Variants in PPIG observed in about 807,000 individuals in gnomAD.
The protein encoded by PPIG is peptidylprolyl isomerase G, also known as peptidyl-prolyl cis-trans isomerase G.
A neutral mutation model predicts 87.9 loss-of-function variants in PPIG; 26 were observed. The observed-to-expected ratio is 0.30, with a 90% CI of 0.22 to 0.41. The LOEUF is 0.41. PPIG is among the 10% of genes least tolerant of loss of function. The probability of loss-of-function intolerance (pLI) is 1.00; values close to 1 mark genes in which losing one functional copy is unlikely to be tolerated. For synonymous variants in PPIG, 308 were observed against 276.5 expected (o/e 1.11, Z -1.13); for missense variants, 722 against 879.4 (o/e 0.82, Z 2.26).
At chr2:169,609,398 A>G (rs2105493852) in intron 7 of PPIG, among the ~76,000 whole-genome samples, 1 of 152,050 alleles carries the variant, frequency 6.6e-6, no homozygotes, top group East Asian at 2.0e-4. Context: ...TTTTGTAGAG[A>G]CGGGGTCTCC....
chr2:169,627,949 A>G (rs143810721), intron 9 of PPIG, among the ~76,000 whole-genome samples: 3 of 151,596 alleles, frequency 2.0e-5, no homozygotes, highest in African/African-American at 7.3e-5. Flanking sequence ...TTGTGAATTT[A>G]TTTTCTGTGT....
chr2:169,593,846 G>A (rs529932279), intron 1 of PPIG, among the ~76,000 whole-genome samples: 26 of 148,008 alleles, frequency 1.8e-4, no homozygotes, highest in East Asian at 5.9e-4. Context: ...TAGTAGAGAC[G>A]GGGTTTCACC....
In PPIG at chr2:169,630,822, C is replaced by T. The variant is rs775722513; in HGVS notation, c.596C>T (p.Ser199Phe). ...KRHKSSSSSS[S>F]SSSDSDSSSD... The stretch of plus-strand genomic sequence containing the variant: ...CATAAATCATCATCATCTTCCTCCT[C>T]CTCATCTAGTGACTCAGATAGCTCA... The change falls in exon 10 of 14, where the codon TCC (serine) becomes TTC (phenylalanine). Residue 199 changes from serine (S) to phenylalanine (F), a missense_variant. Physicochemically the swap from Ser to Phe is radical, Grantham distance 155. Around this residue, in one of 4 missense-constraint regions of PPIG, gnomAD observed 142 missense variants for 152.8 expected, o/e 0.93. Transcript: ENST00000260970. 6.2e-7 allele frequency: 1 copy of T among 1,612,022 alleles called. No homozygotes were observed. Among genetic ancestry groups the T allele is most frequent in the African/African-American group, 1.3e-5 (1 of 74,914 alleles).
At chr2:169,600,625 A>G (rs1559177294) in intron 1 of PPIG, among the ~76,000 whole-genome samples, 1 of 152,216 alleles carries the variant, frequency 6.6e-6, no homozygotes. Context: ...ATGATGTAGT[A>G]ATCATGACAG....
chr2:169,585,140 C>G (rs1055188688), intron 1 of PPIG, among the ~76,000 whole-genome samples: 9 of 152,266 alleles, frequency 5.9e-5, no homozygotes, highest in African/African-American at 1.9e-4. Context: ...CGAAGTTCCC[C>G]CGTGTTTCGG....
chr2:169,604,334 T>TG, intron 4 of PPIG, 73 bp downstream of exon 4: 2 of 1,053,434 alleles, frequency 1.9e-6, no homozygotes, highest in African/African-American at 3.5e-5. Flanking sequence ...TTGGTTTTTT[T>TG]TTTTTTTTTT....
At chr2:169,614,093 G>A (rs1395869494) in intron 7 of PPIG, among the ~76,000 whole-genome samples, 1 of 152,170 alleles carries the variant, frequency 6.6e-6, no homozygotes, top group East Asian at 1.9e-4. Flanking sequence ...TGGTGGAATT[G>A]TTTCATAAAT....
chr2:169,610,312 T>A (rs943557599), intron 7 of PPIG, among the ~76,000 whole-genome samples: 2 of 152,228 alleles, frequency 1.3e-5, no homozygotes, highest in South Asian at 2.1e-4. Flanking sequence ...ACTATTTCTT[T>A]ATCCTTATTT....
chr2:169,607,864 C>CT (rs971430023), intron 6 of PPIG, among the ~76,000 whole-genome samples: 1 of 151,874 alleles, frequency 6.6e-6, no homozygotes, highest in Non-Finnish European at 1.5e-5. Flanking sequence ...CTGTCTCACT[C>CT]TTTTTTTTAA....
chr2:169,620,323 A>G (rs1685711810), intron 9 of PPIG, among the ~76,000 whole-genome samples: 1 of 152,046 alleles, frequency 6.6e-6, no homozygotes. Context: ...AACACCGTTT[A>G]TTGAAGAGAC....
chr2:169,612,718 A>G (rs943404730), intron 7 of PPIG, among the ~76,000 whole-genome samples: 2 of 152,082 alleles, frequency 1.3e-5, no homozygotes, highest in Admixed American at 6.5e-5. Context: ...ATATTCCACT[A>G]TATGTATATA....
At chr2:169,594,703 C>A (rs1011828633) in intron 1 of PPIG, among the ~76,000 whole-genome samples, 31 of 147,814 alleles carry the variant, frequency 2.1e-4, no homozygotes, top group African/African-American at 7.5e-4. Flanking sequence ...CGGCTCACTG[C>A]AATCTCCACC....
At chr2:169,610,069 T>TTA (rs1216010404) in intron 7 of PPIG, among the ~76,000 whole-genome samples, 3 of 152,340 alleles carry the variant, frequency 2.0e-5, no homozygotes, top group Admixed American at 1.3e-4. Flanking sequence ...TCCTATCTTA[T>TTA]GGGTATAGGT....
In PPIG at chr2:169,639,144, T is replaced by G. The variant is rs932406986; in HGVS notation, c.*1621T>G. 6.6e-6 allele frequency: 1 copy of G among 151,990 alleles called. No homozygotes were observed. Among genetic ancestry groups the G allele is most frequent in the African/African-American group, 2.4e-5 (1 of 41,428 alleles). 9.4% of individuals were successfully genotyped at this position (151,990 alleles called of 1,614,324 possible). A position where few individuals can be genotyped will look rare whatever the true frequency, so the allele number is the denominator to read the frequency against. On this transcript the variant is annotated 3_prime_UTR_variant, in exon 14 of 14. Transcript: ENST00000260970. Reference sequence around the variant, plus strand: ...TGCTTGGAAAATTGTAATACAGATATCCACAATGAATTCTTTCCAAAATTT... The same window carrying G: ...TGCTTGGAAAATTGTAATACAGATAGCCACAATGAATTCTTTCCAAAATTT...
chr2:169,636,046 TC>T, intron 12 of PPIG, 45 bp from the exon 13 acceptor site: 5 of 1,492,618 alleles, frequency 3.3e-6, no homozygotes, highest in Non-Finnish European at 4.5e-6. Flanking sequence ...TGCGAGTCCC[TC>T]TATACTTCTA....
chr2:169,605,618 A>G (rs1012952992), intron 4 of PPIG, among the ~76,000 whole-genome samples: 13 of 148,360 alleles, frequency 8.8e-5, no homozygotes, highest in African/African-American at 3.0e-4. Context: ...CCTGGCCAAC[A>G]TGGTGAAATT....
At chr2:169,604,412 C>A in intron 4 of PPIG, 151 bp downstream of exon 4, 1 of 662,674 alleles carries the variant, frequency 1.5e-6, no homozygotes. Flanking sequence ...CTCATCAATC[C>A]TTACACATAA....
At position 169,585,270 on chromosome 2, in the gene PPIG, C is replaced by CTTTTTTTTTTTTTTTTTT. The variant is rs1553542345; in HGVS notation, c.-70+789_-70+790insTTTTTTTTTTTTTTTTTT. Among the ~76,000 whole-genome samples the CTTTTTTTTTTTTTTTTTT allele has an allele frequency of 2.2e-3, 257 of 118,742 alleles. 11 individuals are homozygous for CTTTTTTTTTTTTTTTTTT. Among genetic ancestry groups the CTTTTTTTTTTTTTTTTTT allele is most frequent in the Non-Finnish European group, 2.6e-3 (156 of 59,542 alleles). The allele number at this position is 118,742 out of a possible 152,430, so 77.9% of individuals were successfully genotyped here. ...TATGCTAATTTGGTTCTTGGTTAGTCTTTTTTTTTGAGACGGAGTCTCGCT... is the reference window on the plus strand; with the variant it reads ...TATGCTAATTTGGTTCTTGGTTAGTCTTTTTTTTTTTTTTTTTTTTTTTTTTTGAGACGGAGTCTCGCT... On this transcript the variant is annotated intron_variant, in intron 1 of 13. Transcript: ENST00000260970.
intron 1 of PPIG, among the ~76,000 whole-genome samples, chr2:169,600,453 G>A (rs1222660668): frequency 1.3e-5 from 2 of 152,132 alleles, no homozygotes; most frequent in East Asian, 1.9e-4. Flanking sequence ...TATTATTGCG[G>A]ATTTCTGACT....
Sources: allele counts gnomAD v4.1 joint callset (sites outside exome capture counted in the v4.1 genomes callset), GRCh38; gene constraint gnomAD v4.1.1; regional missense constraint gnomAD v4.1.1; transcripts MANE v1.5; gene names NCBI Gene and HGNC (gene_info 2026-07-23, HGNC 2026-07-21).